The following KLHL36 variants were observed in gnomAD, a reference collection of about 807,000 sequenced individuals.
The protein encoded by KLHL36 is kelch-like protein 36.
KLHL36 carries 35 observed loss-of-function variants against 53.3 expected under a neutral mutation model. The ratio of observed to expected loss-of-function variants is 0.66; its 90% CI spans 0.50 to 0.87. The LOEUF is 0.87. KLHL36 is among the 40% of genes least tolerant of loss of function. KLHL36 has a pLI of 0.00. For synonymous variants in KLHL36, 472 were observed against 398.9 expected (o/e 1.18, Z -2.18); for missense variants, 864 against 897.6 (o/e 0.96, Z 0.48).
Position 84,661,828 on chromosome 16 carries a change from G to C in KLHL36, c.1546G>C (p.Val516Leu). ...CATGGAGCGCTTCGACGTGCTGGGC[G>C]TGGAGGCCTACAGCCCGCAGTGCAA... ...ESMERFDVLG[V>L]EAYSPQCNQW... Residue 516 changes from valine to leucine, a missense_variant, in exon 5 of 5, where the codon GTG (valine) becomes CTG (leucine). Coordinates refer to ENST00000564996, the MANE Select transcript of KLHL36 (RefSeq NM_024731.4). The surrounding 1 kb of genome is among the most constrained non-coding windows in gnomAD (Gnocchi z 7.9). 1 of 1,608,214 alleles carries C rather than the reference G, an allele frequency of 6.2e-7. No homozygotes were observed. The highest frequency in any genetic ancestry group is 8.5e-7 in the Non-Finnish European group (1 of 1,175,610).
intron 3 of KLHL36, 64 bp downstream of exon 3, chr16:84,658,008 T>A (rs1013344708): frequency 1.3e-5 from 16 of 1,217,644 alleles, no homozygotes; most frequent in Non-Finnish European, 1.8e-5. Flanking sequence ...TAACCTAGCC[T>A]TGACTTTCCT....
chr16:84,655,864 C>T (rs757635196), intron 2 of KLHL36, among the ~76,000 whole-genome samples: 1 of 152,052 alleles, frequency 6.6e-6, no homozygotes, highest in South Asian at 2.1e-4. Context: ...TGATAGTTTT[C>T]AGTTACCTGT....
chr16:84,650,842 C>A lies in KLHL36; in HGVS notation c.-16-10C>A. 1.2e-6 allele frequency: 2 copies of A among 1,603,206 alleles called. No individual in the cohort carries two copies. The highest frequency in any genetic ancestry group is 3.4e-5 in the Admixed American group (2 of 59,126). On this transcript the variant is annotated splice_polypyrimidine_tract_variant and intron_variant, in intron 1 of 4. Transcript: ENST00000564996. ...TGACTGCATGCTCAGAAATCCTGTTCTTCTCCTAGGGCTGAAATCTCTTTA... is the reference window on the plus strand; with the variant it reads ...TGACTGCATGCTCAGAAATCCTGTTATTCTCCTAGGGCTGAAATCTCTTTA...
At chr16:84,656,503 C>T (rs1475427535) in intron 2 of KLHL36, among the ~76,000 whole-genome samples, 2 of 150,510 alleles carry the variant, frequency 1.3e-5, no homozygotes, top group East Asian at 2.0e-4. Context: ...CTCCAGTAGC[C>T]GGGCTGTCGT....
chr16:84,659,805 A>T lies in KLHL36; in HGVS notation c.1183A>T (p.Ile395Phe), dbSNP rs771032488. The T allele has an allele frequency of 6.2e-7, 1 of 1,614,162 alleles. No individual in the cohort carries two copies. Among genetic ancestry groups the T allele is most frequent in the Admixed American group, 1.7e-5 (1 of 60,020 alleles). Residue 395 changes from isoleucine to phenylalanine, a missense_variant, in exon 4 of 5, where the codon ATC becomes TTC. Physicochemically the swap from Ile to Phe is conservative, Grantham distance 21. Transcript: ENST00000564996. The part of the protein sequence containing the change: ...QRRVDFYLAS[I>F]EDMLVAIGGR... The stretch of plus-strand genomic sequence containing the variant: ...CCGTGTGGATTTCTACCTTGCCTCC[A>T]TCGAAGACATGCTGGTGGCCATCGG...
rs1034933076 is a variant in KLHL36, at chr16:84,662,906, G to T, written c.*773G>T. 3 of 151,842 alleles carry T rather than the reference G, an allele frequency of 2.0e-5. No individual in the cohort carries two copies. The highest frequency in any genetic ancestry group is 2.0e-4 in the Admixed American group (3 of 15,262). 9.4% of individuals were successfully genotyped at this position (151,842 alleles called of 1,614,324 possible). On this transcript the variant is annotated 3_prime_UTR_variant, in exon 5 of 5. Transcript: ENST00000564996. ...TACAGGTAACCAAAAACGAAAAAAG[G>T]TATGAAGCTCTTTATACATATTTTT...
rs537479987 is a variant in KLHL36, at chr16:84,660,101, G to A, written c.1295+184G>A. ...CGTGACGGTGCACAGTCCGGGCTCC[G>A]GTTTCAGACTTAGGGCAAGGGTCAG... On this transcript the variant is annotated intron_variant, in intron 4 of 4. Coordinates refer to ENST00000564996, the MANE Select transcript of KLHL36 (RefSeq NM_024731.4). Among the ~76,000 whole-genome samples, 7 of 152,244 alleles carry A rather than the reference G, an allele frequency of 4.6e-5. No homozygotes were observed. The East Asian group carries it at 7.7e-4, about 17-fold the overall frequency.
chr16:84,653,516 C>G (rs1344291354), intron 2 of KLHL36, among the ~76,000 whole-genome samples: 14 of 152,154 alleles, frequency 9.2e-5, no homozygotes, highest in African/African-American at 3.1e-4. Flanking sequence ...AATCCTAGAA[C>G]TTTGGGAGGC....
intron 4 of KLHL36, among the ~76,000 whole-genome samples, chr16:84,660,246 G>A (rs558840626): frequency 1.3e-4 from 20 of 152,258 alleles, no homozygotes; most frequent in African/African-American, 4.8e-4. Context: ...AAAGAGATGG[G>A]GGTATATGTG....
At chr16:84,654,634 T>A (rs1410084323) in intron 2 of KLHL36, among the ~76,000 whole-genome samples, 1 of 138,702 alleles carries the variant, frequency 7.2e-6, no homozygotes, top group African/African-American at 2.7e-5. Context: ...TTTTGTTTTG[T>A]TTTTGAGATG....
At position 84,656,854 on chromosome 16, in the gene KLHL36, G is replaced by A. The variant is rs757688716; in HGVS notation, c.64-17G>A. On this transcript the variant is annotated splice_polypyrimidine_tract_variant and intron_variant, in intron 2 of 4. Coordinates refer to ENST00000564996, the MANE Select transcript of KLHL36 (RefSeq NM_024731.4). The stretch of plus-strand genomic sequence containing the variant: ...AGCAGGCTGCTGCGCCGTTTCTAAT[G>A]TGTCTTCTCTGTCCAGGTATACCGC... The A allele has an allele frequency of 2.5e-6, 4 of 1,586,358 alleles. No individual in the cohort carries two copies. Among genetic ancestry groups the A allele is most frequent in the African/African-American group, 2.7e-5 (2 of 74,486 alleles).
At chr16:84,654,078 G>A (rs1395115917) in intron 2 of KLHL36, among the ~76,000 whole-genome samples, 5 of 152,120 alleles carry the variant, frequency 3.3e-5, no homozygotes, top group African/African-American at 9.7e-5. Flanking sequence ...CCCCAGTCCT[G>A]CCCCCTGGGC....
At chr16:84,651,572 G>A (rs1310621989) in intron 2 of KLHL36, among the ~76,000 whole-genome samples, 1 of 152,190 alleles carries the variant, frequency 6.6e-6, no homozygotes, top group Non-Finnish European at 1.5e-5. Context: ...TTGGTATGAG[G>A]TTCCTGGTAA....
At position 84,658,040 on chromosome 16, in the gene KLHL36, A is replaced by G. The variant is rs971917873; in HGVS notation, c.1137+96A>G. ...TCCTTACCTCTCTGGGGCCTTGACA[A>G]CTATCCTGCTTCTGAATGAGGTGTG... On this transcript the variant is annotated intron_variant, in intron 3 of 4. Coordinates refer to ENST00000564996, the MANE Select transcript of KLHL36 (RefSeq NM_024731.4). 22 of 890,306 alleles carry G rather than the reference A, an allele frequency of 2.5e-5. 1 individual carries two copies. The highest frequency in any genetic ancestry group is 4.1e-5 in the South Asian group (2 of 48,930). The allele number at this position is 890,306 out of a possible 1,614,324, so 55.2% of individuals were successfully genotyped here. A position where few individuals can be genotyped will look rare whatever the true frequency, so the allele number is the denominator to read the frequency against.
At chr16:84,655,190 A>G (rs1907129677) in intron 2 of KLHL36, among the ~76,000 whole-genome samples, 1 of 152,190 alleles carries the variant, frequency 6.6e-6, no homozygotes, top group Non-Finnish European at 1.5e-5. Flanking sequence ...AGGCTGTGAG[A>G]ATGTGGCCTG....
At chr16:84,651,886 T>A (rs1906905577) in intron 2 of KLHL36, among the ~76,000 whole-genome samples, 1 of 152,132 alleles carries the variant, frequency 6.6e-6, no homozygotes, top group Non-Finnish European at 1.5e-5. Flanking sequence ...TGAAAAAAGA[T>A]ACAGAAACAC....
chr16:84,656,830 G>C, intron 2 of KLHL36, 41 bp from the exon 3 acceptor site: 2 of 1,508,626 alleles, frequency 1.3e-6, no homozygotes, highest in African/African-American at 1.4e-5. Context: ...CCAGGGCCGA[G>C]CAGGCTGCTG....
chr16:84,649,911 G>A (rs189701385), intron 1 of KLHL36, among the ~76,000 whole-genome samples: 1 of 152,218 alleles, frequency 6.6e-6, no homozygotes, highest in East Asian at 1.9e-4. Flanking sequence ...ATATTAGTTG[G>A]CAAAGTCCCT....
rs12102528 is a variant in KLHL36 at position 84,657,650 on chromosome 16, C to G, written c.843C>G (p.Pro281=). 5.1e-4 allele frequency: 816 copies of G among 1,612,180 alleles called. 2 individuals carry two copies. The African/African-American group carries it at 8.4e-3, about 17-fold the overall frequency. Residue 281 remains proline, a synonymous_variant, in exon 3 of 5, where the codon CCC becomes CCG. Coordinates refer to ENST00000564996, the MANE Select transcript of KLHL36 (RefSeq NM_024731.4). The stretch of plus-strand genomic sequence containing the variant: ...ACCACAACAACCTGGCGGCCCAGCC[C>G]GTCATGCAGACCAAGCGCACGGCGC... ...VRYHNNLAAQ[P]VMQTKRTALR...
Sources: allele counts gnomAD v4.1 joint callset (sites outside exome capture counted in the v4.1 genomes callset), GRCh38; gene constraint gnomAD v4.1.1; non-coding constraint Gnocchi (gnomAD v3.1); transcripts MANE v1.5; gene names NCBI Gene and HGNC (gene_info 2026-07-23, HGNC 2026-07-21).